HMG20A: variants seen among roughly 807,000 people sequenced by gnomAD.
The protein encoded by HMG20A is high mobility group 20A, also known as high mobility group protein 20A.
Under a neutral mutation model 43.9 loss-of-function variants are expected in HMG20A, and 17 were observed. The observed-to-expected ratio is 0.39, with a 90% CI of 0.27 to 0.58. HMG20A has a LOEUF of 0.58. HMG20A is among the 20% of genes least tolerant of loss of function. The probability of loss-of-function intolerance (pLI) is 0.59; values close to 1 mark genes in which losing one functional copy is unlikely to be tolerated. For missense variants in HMG20A, 341 were observed against 438.2 expected, an observed-to-expected ratio of 0.78 and a Z score of 1.98; for synonymous variants, 132 against 147.5, an observed-to-expected ratio of 0.89 and a Z score of 0.76.
At chr15:77,492,011 C>T in the HMG20A span, among the ~76,000 whole-genome samples, 1 of 152,250 alleles carries the variant, frequency 6.6e-6, no homozygotes, top group Admixed American at 6.5e-5. Context: ...ACACCACAGC[C>T]TCTCAACCAT....
intron 6 of HMG20A, among the ~76,000 whole-genome samples, chr15:77,475,017 A>T (rs764895071): frequency 6.6e-6 from 1 of 152,222 alleles, no homozygotes; most frequent in Non-Finnish European, 1.5e-5. Context: ...AAGTGTCTAT[A>T]TCTCATGTGA....
intron 1 of HMG20A, among the ~76,000 whole-genome samples, chr15:77,448,402 A>G (rs1304059029): frequency 6.6e-6 from 1 of 151,426 alleles, no homozygotes; most frequent in Non-Finnish European, 1.5e-5. Flanking sequence ...TTCCTCTGCT[A>G]GGGCCACTCT....
the HMG20A span, among the ~76,000 whole-genome samples, chr15:77,501,885 C>T: frequency 6.6e-6 from 1 of 152,192 alleles, no homozygotes; most frequent in Non-Finnish European, 1.5e-5. Context: ...CTACCTCTGA[C>T]TTAACCTTGG....
intron 1 of HMG20A, among the ~76,000 whole-genome samples, chr15:77,433,093 G>A (rs1004384000): frequency 2.0e-5 from 3 of 152,088 alleles, no homozygotes; most frequent in African/African-American, 7.2e-5. Context: ...TTTTGGCTGG[G>A]CATGGTGGCT....
At chr15:77,438,413 G>T (rs1178065201) in intron 1 of HMG20A, among the ~76,000 whole-genome samples, 1 of 151,976 alleles carries the variant, frequency 6.6e-6, no homozygotes, top group Non-Finnish European at 1.5e-5. Context: ...ATGCCATAAT[G>T]CAACCACAGT....
chr15:77,433,531 A>G (rs1261736284), intron 1 of HMG20A, among the ~76,000 whole-genome samples: 1 of 152,170 alleles, frequency 6.6e-6, no homozygotes, highest in Non-Finnish European at 1.5e-5. Context: ...GAGAGAAGAT[A>G]TTTACAGAGC....
At chr15:77,477,245 T>C (rs968405697) in intron 6 of HMG20A, among the ~76,000 whole-genome samples, 7 of 152,232 alleles carry the variant, frequency 4.6e-5, no homozygotes, top group Admixed American at 2.0e-4. Flanking sequence ...TGTATACTGT[T>C]GACTATTCAA....
At chr15:77,425,149 C>A (rs925251124) in intron 1 of HMG20A, among the ~76,000 whole-genome samples, 2 of 152,192 alleles carry the variant, frequency 1.3e-5, no homozygotes, top group African/African-American at 2.4e-5. Flanking sequence ...CCAAACTGTA[C>A]ACGTTCTGTC....
At chr15:77,500,515 C>G in the HMG20A span, among the ~76,000 whole-genome samples, 6 of 152,084 alleles carry the variant, frequency 3.9e-5, no homozygotes, top group Admixed American at 3.9e-4. Flanking sequence ...TCACCACTAC[C>G]CATTAGGCAA....
At chr15:77,432,812 G>C (rs1309087915) in intron 1 of HMG20A, among the ~76,000 whole-genome samples, 1 of 146,126 alleles carries the variant, frequency 6.8e-6, no homozygotes, top group Non-Finnish European at 1.5e-5. Flanking sequence ...AAAATGCATA[G>C]ACCTCTAGCA....
the HMG20A span, among the ~76,000 whole-genome samples, chr15:77,498,610 G>A: frequency 7.2e-5 from 11 of 152,128 alleles, no homozygotes; most frequent in Non-Finnish European, 1.3e-4. Context: ...GTTCACATCC[G>A]GTTCTGCCGC....
At chr15:77,504,581 T>C in the HMG20A span, among the ~76,000 whole-genome samples, 1 of 152,216 alleles carries the variant, frequency 6.6e-6, no homozygotes, top group Non-Finnish European at 1.5e-5. Context: ...CCTGACATAA[T>C]GTACTGGGGA....
intron 2 of HMG20A, chr15:77,458,703 G>T (rs2072679085): frequency 4.8e-6 from 2 of 415,454 alleles, no homozygotes; most frequent in African/African-American, 2.0e-5. Flanking sequence ...TTGTGAACTG[G>T]TACAACAATA....
At chr15:77,447,000 C>G (rs1028187443) in intron 1 of HMG20A, among the ~76,000 whole-genome samples, 21 of 152,092 alleles carry the variant, frequency 1.4e-4, no homozygotes, top group African/African-American at 5.1e-4. Flanking sequence ...ACCAGCATTC[C>G]CCATCCCAGC....
the HMG20A span, among the ~76,000 whole-genome samples, chr15:77,510,783 GC>G: frequency 6.6e-6 from 1 of 152,224 alleles, no homozygotes; most frequent in African/African-American, 2.4e-5. Context: ...CCAGGGGCTG[GC>G]CCAGGAACTT....
the HMG20A span, among the ~76,000 whole-genome samples, chr15:77,511,513 G>C: frequency 2.0e-5 from 3 of 152,134 alleles, no homozygotes; most frequent in African/African-American, 7.2e-5. Flanking sequence ...AAAGAATGAT[G>C]GGGACATGTC....
intron 6 of HMG20A, among the ~76,000 whole-genome samples, chr15:77,476,645 C>G: frequency 6.6e-6 from 1 of 152,052 alleles, no homozygotes; most frequent in East Asian, 1.9e-4. Flanking sequence ...ATTTCACTAG[C>G]AGTTTCTTCA....
intron 1 of HMG20A, among the ~76,000 whole-genome samples, chr15:77,442,937 A>C: frequency 6.6e-6 from 1 of 152,298 alleles, no homozygotes; most frequent in Non-Finnish European, 1.5e-5. Context: ...TCTTTAAAGT[A>C]ACAAAACCAT....
At chr15:77,518,691 G>A in the HMG20A span, among the ~76,000 whole-genome samples, 1 of 152,154 alleles carries the variant, frequency 6.6e-6, no homozygotes, top group South Asian at 2.1e-4. Context: ...CCACACCACG[G>A]CTCAGCGTCT....
Sources: gnomAD v4.1 joint callset for allele counts (sites outside exome capture counted in the v4.1 genomes callset) on GRCh38, gnomAD v4.1.1 for gene constraint, MANE v1.5 for transcripts, NCBI Gene and HGNC (gene_info 2026-07-23, HGNC 2026-07-21) for gene names.